The following SORCS3 variants were observed in gnomAD, a reference collection of about 807,000 sequenced individuals.
SORCS3 encodes sortilin related VPS10 domain containing receptor 3.
In SORCS3, 57 loss-of-function variants were observed where a neutral mutation model predicts 146.3. The ratio of observed to expected loss-of-function variants is 0.39; its 90% CI spans 0.31 to 0.49. The LOEUF (loss-of-function observed/expected upper bound fraction) is 0.49, where lower values mean the gene tolerates loss of function less well. SORCS3 is among the 20% of genes least tolerant of loss of function. SORCS3 has a pLI of 0.92. For synonymous variants in SORCS3, 653 were observed against 618.5 expected (o/e 1.06, Z -0.83); for missense variants, 1,341 against 1,575.5 (o/e 0.85, Z 2.52).
chr10:104,976,989 G>C (rs895723602), intron 3 of SORCS3, among the ~76,000 whole-genome samples: 5 of 151,760 alleles, frequency 3.3e-5, no homozygotes, highest in African/African-American at 1.2e-4. Context: ...CAGCACACCA[G>C]CATGGCACAT....
chr10:104,952,341 C>T (rs543666789), intron 3 of SORCS3, among the ~76,000 whole-genome samples: 1 of 146,748 alleles, frequency 6.8e-6, no homozygotes, highest in Non-Finnish European at 1.5e-5. Flanking sequence ...TGAGCCCTTG[C>T]TACTCAAAGT....
At chr10:105,090,928 A>G (rs1180115245) in intron 6 of SORCS3, among the ~76,000 whole-genome samples, 1 of 152,212 alleles carries the variant, frequency 6.6e-6, no homozygotes, top group Non-Finnish European at 1.5e-5. Flanking sequence ...TGCAGGAGAA[A>G]TCTACTGTTG....
intron 1 of SORCS3, among the ~76,000 whole-genome samples, chr10:104,658,920 C>T (rs929198121): frequency 6.6e-5 from 10 of 151,696 alleles, no homozygotes; most frequent in African/African-American, 2.4e-4. Context: ...CTAGCCTTCA[C>T]ATGAATATCT....
intron 3 of SORCS3, among the ~76,000 whole-genome samples, chr10:104,954,564 T>C (rs2019467148): frequency 6.6e-6 from 1 of 152,070 alleles, no homozygotes; most frequent in Non-Finnish European, 1.5e-5. Flanking sequence ...TGTTAAGAAA[T>C]AGGAAGAAGC....
intron 1 of SORCS3, among the ~76,000 whole-genome samples, chr10:104,790,434 T>G (rs2017483575): frequency 6.6e-6 from 1 of 152,132 alleles, no homozygotes; most frequent in Non-Finnish European, 1.5e-5. Flanking sequence ...TGGTCCTGAG[T>G]TGGAGCTCCC....
At chr10:104,907,612 C>A (rs938959040) in intron 2 of SORCS3, among the ~76,000 whole-genome samples, 1 of 152,128 alleles carries the variant, frequency 6.6e-6, no homozygotes, top group Non-Finnish European at 1.5e-5. Context: ...TCCAATTTTC[C>A]GCATTTAGAA....
At chr10:104,833,567 G>A (rs1222952194) in intron 1 of SORCS3, among the ~76,000 whole-genome samples, 1 of 152,118 alleles carries the variant, frequency 6.6e-6, no homozygotes, top group Non-Finnish European at 1.5e-5. Flanking sequence ...AACACCACGT[G>A]GTGAGCATTC....
intron 1 of SORCS3, among the ~76,000 whole-genome samples, chr10:104,675,552 T>C (rs950068221): frequency 2.6e-5 from 4 of 152,212 alleles, no homozygotes; most frequent in Admixed American, 6.5e-5. Flanking sequence ...GAATTTGTTT[T>C]ATGTGTTGAG....
At chr10:104,784,673 A>C (rs748782082) in intron 1 of SORCS3, among the ~76,000 whole-genome samples, 23 of 152,296 alleles carry the variant, frequency 1.5e-4, no homozygotes, top group Admixed American at 7.2e-4. Flanking sequence ...GCCCCTTCTC[A>C]GTGCAGAGCG....
intron 3 of SORCS3, among the ~76,000 whole-genome samples, chr10:104,961,693 G>T (rs2054797167): frequency 6.6e-6 from 1 of 152,126 alleles, no homozygotes; most frequent in South Asian, 2.1e-4. Flanking sequence ...GTAATGCCTT[G>T]GCTGGCAGAG....
chr10:104,671,066 A>G lies in SORCS3; in HGVS notation c.627+29112A>G, dbSNP rs114215504. On this transcript the variant is annotated intron_variant, in intron 1 of 26. Coordinates refer to ENST00000369701, the MANE Select transcript of SORCS3 (RefSeq NM_014978.3). The stretch of plus-strand genomic sequence containing the variant: ...TCTTTTTTTAAACTTTAAGTGTTCT[A>G]CATACTACATCATATCGTCTGTAAA... Among the ~76,000 whole-genome samples, 1,163 of 151,170 alleles carry G rather than the reference A, an allele frequency of 7.7e-3. 14 individuals carry two copies. Among genetic ancestry groups the G allele is most frequent in the African/African-American group, 0.027 (1,102 of 41,306 alleles).
intron 3 of SORCS3, among the ~76,000 whole-genome samples, chr10:104,934,537 C>A (rs2019240917): frequency 6.6e-6 from 1 of 152,074 alleles, no homozygotes; most frequent in African/African-American, 2.4e-5. Flanking sequence ...TTTACTGAAC[C>A]TTTTGAGTGA....
chr10:104,858,954 C>CAAAAAA (rs2018368772), intron 2 of SORCS3, among the ~76,000 whole-genome samples: 2 of 91,836 alleles, frequency 2.2e-5, no homozygotes, highest in African/African-American at 8.9e-5. Flanking sequence ...AAAAAAAAAA[C>CAAAAAA]AACAAAAAAG....
intron 1 of SORCS3, among the ~76,000 whole-genome samples, chr10:104,803,529 C>G (rs1034494837): frequency 6.6e-6 from 1 of 152,206 alleles, no homozygotes; most frequent in Non-Finnish European, 1.5e-5. Context: ...TTTCACATAA[C>G]TTTCCCTTAA....
intron 8 of SORCS3, among the ~76,000 whole-genome samples, chr10:105,141,766 A>G (rs983844687): frequency 6.6e-6 from 1 of 152,208 alleles, no homozygotes; most frequent in Non-Finnish European, 1.5e-5. Flanking sequence ...ACAGCAGCAG[A>G]GGGCATGGGG....
intron 1 of SORCS3, among the ~76,000 whole-genome samples, chr10:104,751,768 T>G (rs1049540004): frequency 6.6e-6 from 1 of 151,368 alleles, no homozygotes; most frequent in Non-Finnish European, 1.5e-5. Context: ...TCTGCTCACT[T>G]AAGTAGTCTG....
At chr10:105,040,583 A>G (rs1044431308) in intron 4 of SORCS3, among the ~76,000 whole-genome samples, 3 of 152,074 alleles carry the variant, frequency 2.0e-5, no homozygotes, top group African/African-American at 4.8e-5. Context: ...TCCCTTTGAC[A>G]TGGTGTGTCT....
At chr10:105,216,677 G>T (rs982868547) in intron 18 of SORCS3, among the ~76,000 whole-genome samples, 46 of 152,256 alleles carry the variant, frequency 3.0e-4, no homozygotes, top group Non-Finnish European at 1.0e-4. Flanking sequence ...TTTACAGAGG[G>T]TCTACCTTGC....
intron 19 of SORCS3, among the ~76,000 whole-genome samples, chr10:105,221,871 A>G (rs777758799): frequency 6.6e-6 from 1 of 152,074 alleles, no homozygotes; most frequent in Non-Finnish European, 1.5e-5. Flanking sequence ...TACATATTTT[A>G]GTTGGATTTG....
Sources: allele counts gnomAD v4.1 joint callset (sites outside exome capture counted in the v4.1 genomes callset), GRCh38; gene constraint gnomAD v4.1.1; transcripts MANE v1.5; gene names NCBI Gene and HGNC (gene_info 2026-07-23, HGNC 2026-07-21).